The following GRM4 variants were observed in gnomAD, a reference collection of about 807,000 sequenced individuals.
GRM4 encodes metabotropic glutamate receptor 4.
GRM4 carries 28 observed loss-of-function variants against 81.7 expected under a neutral mutation model. The ratio of observed to expected loss-of-function variants is 0.34; its 90% CI spans 0.25 to 0.47. GRM4 has a LOEUF of 0.47. GRM4 is among the 20% of genes least tolerant of loss of function. The pLI is 1.00. For synonymous variants in GRM4, 488 were observed against 528.8 expected (o/e 0.92, Z 1.06); for missense variants, 948 against 1,290.0 (o/e 0.73, Z 4.06).
At chr6:34,150,068 C>G (rs1259797648), upstream of GRM4, among the ~76,000 whole-genome samples, 21 of 152,102 alleles carry the variant, frequency 1.4e-4, no homozygotes, top group Admixed American at 1.4e-3. Flanking sequence ...TTTCTAAATT[C>G]CAAAAAAGAC....
Position 34,111,388 on chromosome 6 carries a change from G to GCACACA in GRM4, c.520-19295_520-19290dup, listed in dbSNP as rs143737236. Among the ~76,000 whole-genome samples, 18 of 133,820 alleles carry GCACACA rather than the reference G, an allele frequency of 1.3e-4. No homozygotes were observed. Among genetic ancestry groups the GCACACA allele is most frequent in the African/African-American group, 4.7e-4 (17 of 35,942 alleles). The allele number at this position is 133,820 out of a possible 152,430, so 87.8% of individuals were successfully genotyped here. On this transcript the variant is annotated intron_variant, in intron 2 of 10. Coordinates refer to ENST00000538487, the MANE Select transcript of GRM4 (RefSeq NM_000841.4). This position sits in a 1 kb window ranked among gnomAD's most constrained non-coding sequence, Gnocchi z 5.1. ...CTTGGTGGTAAGTACAACCAACCGTGCACACACACACACACACACACACAA... is the reference window on the plus strand; with the variant it reads ...CTTGGTGGTAAGTACAACCAACCGTGCACACACACACACACACACACACACACACAA...
At chr6:34,056,722 T>C (rs746299910) in intron 5 of GRM4, 38 bp from the exon 6 acceptor site, 1 of 1,598,322 alleles carries the variant, frequency 6.3e-7, no homozygotes, top group East Asian at 2.3e-5. Context: ...TCACTGGCCT[T>C]CTTCCCCACC....
chr6:34,111,088 G>T lies in GRM4; in HGVS notation c.520-18989C>A. ...ATCAGCTGACAGCAGCAGGGGCCAGGGAGGAGGAGACACACACAGGCCACA... is the reference window on the plus strand; with the variant it reads ...ATCAGCTGACAGCAGCAGGGGCCAGTGAGGAGGAGACACACACAGGCCACA... On this transcript the variant is annotated intron_variant, in intron 2 of 10. Coordinates refer to ENST00000538487, the MANE Select transcript of GRM4 (RefSeq NM_000841.4). The surrounding 1 kb of genome is among the most constrained non-coding windows in gnomAD (Gnocchi z 5.1). The T allele has an allele frequency of 5.4e-6, 1 of 184,170 alleles. No individual in the cohort carries two copies. 11.4% of individuals were successfully genotyped at this position (184,170 alleles called of 1,614,324 possible). A position where few individuals can be genotyped will look rare whatever the true frequency, so the allele number is the denominator to read the frequency against.
intron 6 of GRM4, among the ~76,000 whole-genome samples, chr6:34,051,493 T>TA (rs1335528625): frequency 6.6e-6 from 1 of 152,150 alleles, no homozygotes; most frequent in Non-Finnish European, 1.5e-5. Flanking sequence ...CAGCAGGCAG[T>TA]AAATTTTTCC....
Position 34,080,819 on chromosome 6 carries a change from C to G in GRM4, c.736+11064G>C, listed in dbSNP as rs1045164186. 2.1e-5 allele frequency among the ~76,000 whole-genome samples: 2 copies of G among 94,336 alleles called. No homozygotes were observed. The highest frequency in any genetic ancestry group is 5.2e-5 in the Non-Finnish European group (2 of 38,668). 61.9% of individuals were successfully genotyped at this position (94,336 alleles called of 152,430 possible). A position where few individuals can be genotyped will look rare whatever the true frequency, so the allele number is the denominator to read the frequency against. On this transcript the variant is annotated intron_variant, in intron 3 of 10. Coordinates refer to ENST00000538487, the MANE Select transcript of GRM4 (RefSeq NM_000841.4). This position sits in a 1 kb window ranked among gnomAD's most constrained non-coding sequence, Gnocchi z 5.4. ...GGATCCTGATCCACTTCTCTCTTCTCTCTCTCTCTCTCACACACACACACA... is the reference window on the plus strand; with the variant it reads ...GGATCCTGATCCACTTCTCTCTTCTGTCTCTCTCTCTCACACACACACACA...
At position 34,036,654 on chromosome 6, in the gene GRM4, C is replaced by A. The variant is rs780664499; in HGVS notation, c.1507-51G>T. The A allele has an allele frequency of 3.0e-6, 3 of 1,012,222 alleles. No homozygotes were observed. The highest frequency in any genetic ancestry group is 2.9e-6 in the Non-Finnish European group (2 of 683,846). 62.7% of individuals were successfully genotyped at this position (1,012,222 alleles called of 1,614,324 possible). On this transcript the variant is annotated intron_variant, in intron 8 of 10. Coordinates refer to ENST00000538487, the MANE Select transcript of GRM4 (RefSeq NM_000841.4). This position sits in a 1 kb window ranked among gnomAD's most constrained non-coding sequence, Gnocchi z 9.0. ...GGCCTCAGAACATGCCACCCGGTGC[C>A]CCGGACCATCCTACTGGGTGGTGGC...
Position 34,035,506 on chromosome 6 carries a change from A to G in GRM4, c.2442+162T>C, listed in dbSNP as rs1230725922. On this transcript the variant is annotated intron_variant, in intron 9 of 10. Transcript: ENST00000538487. This position sits in a 1 kb window ranked among gnomAD's most constrained non-coding sequence, Gnocchi z 6.6. Reference sequence around the variant, plus strand: ...AACTTGCAGCTGGGAGAGAAGGCAGAATGAGGCATGAAAGAAGGCAGAATG... The same window carrying G: ...AACTTGCAGCTGGGAGAGAAGGCAGGATGAGGCATGAAAGAAGGCAGAATG... Among the ~76,000 whole-genome samples the G allele has an allele frequency of 1.3e-5, 2 of 152,112 alleles. No individual in the cohort carries two copies. Among genetic ancestry groups the G allele is most frequent in the Non-Finnish European group, 2.9e-5 (2 of 68,012 alleles).
intron 5 of GRM4, among the ~76,000 whole-genome samples, chr6:34,057,760 G>A (rs1192262849): frequency 6.6e-6 from 1 of 152,186 alleles, no homozygotes; most frequent in Non-Finnish European, 1.5e-5. Flanking sequence ...TCTGCCACTC[G>A]CTGTACTGTG....
rs1174252840 is a variant in GRM4 at position 34,080,806 on chromosome 6, ACTTCTCT to A, written c.736+11070_736+11076del. On this transcript the variant is annotated intron_variant, in intron 3 of 10. Coordinates refer to ENST00000538487, the MANE Select transcript of GRM4 (RefSeq NM_000841.4). The surrounding 1 kb of genome is among the most constrained non-coding windows in gnomAD (Gnocchi z 5.4). The stretch of plus-strand genomic sequence containing the variant: ...CACGTGACTTGAGGGATCCTGATCC[ACTTCTCT>A]CTTCTCTCTCTCTCTCTCACACACA... 1.3e-5 allele frequency among the ~76,000 whole-genome samples: 2 copies of A among 149,662 alleles called. No homozygotes were observed. The highest frequency in any genetic ancestry group is 4.9e-5 in the African/African-American group (2 of 40,920).
In GRM4 at chr6:34,110,715, C is replaced by T. The variant is rs181285103; in HGVS notation, c.520-18616G>A. The T allele has an allele frequency of 4.2e-3, 6,434 of 1,521,582 alleles. 24 individuals are homozygous for T. Among genetic ancestry groups the T allele is most frequent in the Admixed American group, 9.6e-3 (474 of 49,410 alleles). The allele number at this position is 1,521,582 out of a possible 1,614,324, so 94.3% of individuals were successfully genotyped here. A position where few individuals can be genotyped will look rare whatever the true frequency, so the allele number is the denominator to read the frequency against. ...GTCTGCCTCAGCCTCCCCGCTGTGC[C>T]GGGGTGCTGGGCTGGTAGCACCTGC... is the stretch of plus-strand genomic sequence containing the variant. On this transcript the variant is annotated intron_variant, in intron 2 of 10. Transcript: ENST00000538487.
chr6:34,046,143 C>T (rs181158598), intron 6 of GRM4, among the ~76,000 whole-genome samples: 306 of 152,316 alleles, frequency 2.0e-3, no homozygotes, highest in Non-Finnish European at 3.6e-3. Context: ...TACACACGTG[C>T]GTGCACACAC....
At chr6:34,082,952 C>T (rs942770165) in intron 3 of GRM4, among the ~76,000 whole-genome samples, 5 of 152,210 alleles carry the variant, frequency 3.3e-5, no homozygotes, top group African/African-American at 9.6e-5. Context: ...GGATTCAGAA[C>T]GCCAAAGCCA....
upstream of GRM4, among the ~76,000 whole-genome samples, chr6:34,150,799 G>A (rs1771029783): frequency 6.6e-6 from 1 of 152,214 alleles, no homozygotes; most frequent in African/African-American, 2.4e-5. Context: ...CAGAAGTTGA[G>A]AGAAGCCAGA....
At chr6:34,088,355 C>T (rs1768021139) in intron 3 of GRM4, among the ~76,000 whole-genome samples, 1 of 152,176 alleles carries the variant, frequency 6.6e-6, no homozygotes, top group Non-Finnish European at 1.5e-5. Context: ...AACTCCTGAC[C>T]TCGTGATCCG....
chr6:34,065,848 C>A (rs1766433548), intron 3 of GRM4, among the ~76,000 whole-genome samples: 1 of 152,246 alleles, frequency 6.6e-6, no homozygotes, highest in East Asian at 1.9e-4. Context: ...CAGGGGCACA[C>A]AGTAGCAGGA....
chr6:34,026,769 G>A (rs1340323415), intron 10 of GRM4, among the ~76,000 whole-genome samples: 1 of 152,190 alleles, frequency 6.6e-6, no homozygotes, highest in African/African-American at 2.4e-5. Context: ...AGCACCCGCG[G>A]TGTCACCCTT....
chr6:34,086,288 G>A (rs377318961), intron 3 of GRM4, among the ~76,000 whole-genome samples: 59 of 152,362 alleles, frequency 3.9e-4, no homozygotes, highest in African/African-American at 8.2e-4. Context: ...CGGGCTGCCA[G>A]CCATGCCATG....
intron 1 of GRM4, among the ~76,000 whole-genome samples, chr6:34,143,770 G>C (rs1033654871): frequency 3.3e-5 from 5 of 152,190 alleles, no homozygotes; most frequent in African/African-American, 1.2e-4. Context: ...GGGAGGCTGA[G>C]CGCTGCAGAA....
Position 34,111,115 on chromosome 6 carries a change from AC to A in GRM4, c.520-19017del, listed in dbSNP as rs1769362697. The A allele has an allele frequency of 6.5e-5, 1 of 15,364 alleles. No homozygotes were observed. The highest frequency in any genetic ancestry group is 1.3e-4 in the Non-Finnish European group (1 of 7,578). 1.0% of individuals were successfully genotyped at this position (15,364 alleles called of 1,614,324 possible). On this transcript the variant is annotated intron_variant, in intron 2 of 10. Coordinates refer to ENST00000538487, the MANE Select transcript of GRM4 (RefSeq NM_000841.4). The surrounding 1 kb of genome is among the most constrained non-coding windows in gnomAD (Gnocchi z 5.1). ...AGGAGGAGACACACACAGGCCACAT[AC>A]ACACACACACACACACACACACACA...
Sources: gnomAD v4.1 joint callset for allele counts (sites outside exome capture counted in the v4.1 genomes callset) on GRCh38, gnomAD v4.1.1 for gene constraint, Gnocchi (gnomAD v3.1) non-coding constraint, MANE v1.5 for transcripts, NCBI Gene and HGNC (gene_info 2026-07-23, HGNC 2026-07-21) for gene names.